ZNF875: variants seen among roughly 807,000 people sequenced by gnomAD.
ZNF875 encodes zinc finger protein 875, also known as HKR1, GLI-Kruppel zinc finger family member.
A neutral mutation model predicts 11.2 loss-of-function variants in ZNF875; 14 were observed. The observed-to-expected ratio is 1.26, with a 90% confidence interval of 0.83 to 1.96. ZNF875 has a LOEUF of 1.96. Among genes scored for constraint, ZNF875 ranks in the 30% most tolerant of loss-of-function variants. The pLI, the probability that ZNF875 is intolerant of heterozygous loss-of-function variation, is 0.00. For synonymous variants in ZNF875, 301 were observed against 281.1 expected (o/e 1.07, Z -0.71); for missense variants, 752 against 760.4 (o/e 0.99, Z 0.13).
rs1245899705 is a variant in ZNF875, at chr19:37,346,623, GTCT to G, written c.34-560_34-558del. On this transcript the variant is annotated intron_variant, in intron 2 of 4. Coordinates refer to ENST00000392153, the MANE Select transcript of ZNF875 (RefSeq NM_001353803.2). ...TACTATTTAGTTGTACTTGTGTGGT[GTCT>G]TCTTCTCCCTGCCTAGTTTTGAAAC... 7 of 156,834 alleles carry G rather than the reference GTCT, an allele frequency of 4.5e-5. No homozygotes were observed. The East Asian group carries it at 7.7e-4, about 17-fold the overall frequency. 9.7% of individuals were successfully genotyped at this position (156,834 alleles called of 1,614,324 possible).
At chr19:37,362,065 C>A in intron 4 of ZNF875, 44 bp from the exon 5 acceptor site, 2 of 1,411,456 alleles carry the variant, frequency 1.4e-6, no homozygotes, top group Non-Finnish European at 2.0e-6. Flanking sequence ...ATTGCCTACA[C>A]AGCCCTACCT....
At chr19:37,332,535 C>T (rs143354386), upstream of ZNF875, among the ~76,000 whole-genome samples, 313 of 152,022 alleles carry the variant, frequency 2.1e-3, no homozygotes, top group African/African-American at 6.7e-3. Flanking sequence ...GCTCTTTTTG[C>T]CACTACTTTT....
intron 2 of ZNF875, chr19:37,344,972 C>G (rs1308155741): frequency 1.8e-6 from 1 of 544,480 alleles, no homozygotes; most frequent in Non-Finnish European, 3.4e-6. Flanking sequence ...TGGAAAAAAC[C>G]AGGAAGCCTT....
chr19:37,335,178 C>G lies in ZNF875; in HGVS notation c.-47C>G. On this transcript the variant is annotated 5_prime_UTR_variant, in exon 2 of 5. Coordinates refer to ENST00000392153, the MANE Select transcript of ZNF875 (RefSeq NM_001353803.2). ...CTCTTCACATCCCCAGATCTGTCTT[C>G]TGAGACTTTGCCCTTCTCCAGGAAG... 1 of 702,146 alleles carries G rather than the reference C, an allele frequency of 1.4e-6. No individual in the cohort carries two copies. The highest frequency in any genetic ancestry group is 1.5e-5 in the South Asian group (1 of 67,550). 43.5% of individuals were successfully genotyped at this position (702,146 alleles called of 1,614,324 possible).
intron 4 of ZNF875, among the ~76,000 whole-genome samples, chr19:37,356,050 T>C (rs2038852884): frequency 1.3e-5 from 2 of 152,216 alleles, no homozygotes. Context: ...TGTTTCTGCA[T>C]TGATTCACTT....
rs527376853 is a variant in ZNF875 at position 37,335,513 on chromosome 19, A to T, written c.33+256A>T. ...TAAAAGACAAGAAACAAAAAAGTAT[A>T]TTTGGAAGAAGGGGTCGGGGGCACT... On this transcript the variant is annotated intron_variant, in intron 2 of 4. Transcript: ENST00000392153. Among the ~76,000 whole-genome samples the T allele has an allele frequency of 8.5e-4, 130 of 152,330 alleles. 1 individual carries two copies. The highest frequency in any genetic ancestry group is 1.6e-3 in the Non-Finnish European group (112 of 68,030).
At chr19:37,350,744 C>T (rs549956838) in intron 4 of ZNF875, among the ~76,000 whole-genome samples, 1 of 151,242 alleles carries the variant, frequency 6.6e-6, no homozygotes, top group South Asian at 2.1e-4. Context: ...ATCTTCCCTC[C>T]AATCTTAACC....
intron 4 of ZNF875, among the ~76,000 whole-genome samples, chr19:37,350,447 TAC>T (rs2037656391): frequency 6.6e-6 from 1 of 152,086 alleles, no homozygotes; most frequent in African/African-American, 2.4e-5. Context: ...ATAAAAATAA[TAC>T]AGAGAGTTTC....
At chr19:37,352,690 C>A (rs1213970764) in intron 4 of ZNF875, among the ~76,000 whole-genome samples, 1 of 152,006 alleles carries the variant, frequency 6.6e-6, no homozygotes, top group African/African-American at 2.4e-5. Flanking sequence ...TCCAGTTTGC[C>A]AATCTCTACG....
At chr19:37,323,845 G>A (rs1362729809) in intron 3 of ZNF875, among the ~76,000 whole-genome samples, 1 of 152,170 alleles carries the variant, frequency 6.6e-6, no homozygotes, top group Non-Finnish European at 1.5e-5. Context: ...CTGTGGGGAC[G>A]GTGGTTTGAT....
intron 2 of ZNF875, chr19:37,344,801 CT>C: frequency 7.5e-7 from 1 of 1,326,392 alleles, no homozygotes; most frequent in Non-Finnish European, 1.1e-6. Context: ...TAAAGTAACA[CT>C]AATTGCTCTG....
At chr19:37,313,647 G>A (rs1279692287), upstream of ZNF875, among the ~76,000 whole-genome samples, 1 of 151,904 alleles carries the variant, frequency 6.6e-6, no homozygotes, top group African/African-American at 2.4e-5. Context: ...TCCCATCCCC[G>A]ATTCCAGGAT....
intron 3 of ZNF875, among the ~76,000 whole-genome samples, chr19:37,323,760 G>A (rs2031930515): frequency 6.6e-6 from 1 of 152,180 alleles, no homozygotes; most frequent in Admixed American, 6.5e-5. Context: ...GATGTCACTG[G>A]CATGTGGGTT....
intron 2 of ZNF875, among the ~76,000 whole-genome samples, chr19:37,339,445 T>C (rs1454063138): frequency 1.3e-5 from 2 of 152,082 alleles, no homozygotes; most frequent in Non-Finnish European, 2.9e-5. Context: ...GAAATTCTTA[T>C]ATAGGTTTTT....
At chr19:37,323,114 T>C (rs1010290089) in intron 2 of ZNF875, among the ~76,000 whole-genome samples, 2 of 151,560 alleles carry the variant, frequency 1.3e-5, no homozygotes, top group African/African-American at 4.9e-5. Flanking sequence ...ACTGTGTTCC[T>C]AAAGGAGGGT....
intron 1 of ZNF875, among the ~76,000 whole-genome samples, chr19:37,321,677 C>T (rs1396421491): frequency 1.3e-5 from 2 of 152,174 alleles, no homozygotes; most frequent in African/African-American, 4.8e-5. Context: ...CAGGCCATCC[C>T]TTTCACCTGG....
At chr19:37,323,884 A>C (rs1217493140) in intron 3 of ZNF875, among the ~76,000 whole-genome samples, 2 of 152,172 alleles carry the variant, frequency 1.3e-5, no homozygotes, top group African/African-American at 4.8e-5. Flanking sequence ...ACCCCGGTGC[A>C]TGTGCATCTC....
At position 37,347,833 on chromosome 19, in the gene ZNF875, T is replaced by C. The variant is rs2037111667; in HGVS notation, c.217T>C (p.Trp73Arg). 5 of 1,613,150 alleles carry C rather than the reference T, an allele frequency of 3.1e-6. No homozygotes were observed. Among genetic ancestry groups the C allele is most frequent in the Non-Finnish European group, 4.2e-6 (5 of 1,179,286 alleles). The change falls in exon 4 of 5, where the codon TGG becomes CGG. Residue 73 changes from tryptophan to arginine, a missense_variant. Physicochemically the swap from Trp to Arg is moderately radical, Grantham distance 101 (BLOSUM62 -3). Coordinates refer to ENST00000392153, the MANE Select transcript of ZNF875 (RefSeq NM_001353803.2). ...TCAGCTGGAGCGAGGGGAAGCGCCCTGGAGAGAGGAGAGAAAATGTCCACT... is the reference window on the plus strand; with the variant it reads ...TCAGCTGGAGCGAGGGGAAGCGCCCCGGAGAGAGGAGAGAAAATGTCCACT... The part of the protein sequence containing the change: ...IAQLERGEAP[W>R]REERKCPLDL...
At chr19:37,352,034 T>A (rs2037989618) in intron 4 of ZNF875, among the ~76,000 whole-genome samples, 1 of 152,364 alleles carries the variant, frequency 6.6e-6, no homozygotes, top group African/African-American at 2.4e-5. Flanking sequence ...GATTTGTCTA[T>A]GTCTCTGTAG....
Sources: allele counts gnomAD v4.1 joint callset (sites outside exome capture counted in the v4.1 genomes callset), GRCh38; gene constraint gnomAD v4.1.1; transcripts MANE v1.5; gene names NCBI Gene and HGNC (gene_info 2026-07-23, HGNC 2026-07-21).